Variants in COL23A1 observed in about 807,000 individuals in gnomAD.
COL23A1 encodes collagen type XXIII alpha 1 chain, also known as collagen alpha-1(XXIII) chain.
COL23A1 carries 97 observed loss-of-function variants against 99.3 expected under a neutral mutation model. That is an observed-to-expected ratio of 0.98 (90% CI 0.83 to 1.16). The LOEUF is 1.16. COL23A1 is among the 50% of genes most tolerant of loss of function. COL23A1 has a pLI of 0.00. For synonymous variants in COL23A1, 320 were observed against 308.2 expected (o/e 1.04, Z -0.40); for missense variants, 762 against 757.4 (o/e 1.01, Z -0.07).
intron 2 of COL23A1, among the ~76,000 whole-genome samples, chr5:178,389,181 C>T (rs1361858940): frequency 2.0e-5 from 3 of 152,184 alleles, no homozygotes; most frequent in East Asian, 1.9e-4. Flanking sequence ...GTCACGCTCC[C>T]GTTGCCTCAG....
chr5:178,565,549 CGAT>C (rs138470629), intron 1 of COL23A1, among the ~76,000 whole-genome samples: 7,289 of 152,110 alleles, frequency 0.048, 559 homozygotes, highest in African/African-American at 0.16. Flanking sequence ...TACCCCACCA[CGAT>C]GATGATGATA....
At chr5:178,257,262 G>A (rs990245572) in intron 13 of COL23A1, among the ~76,000 whole-genome samples, 4 of 152,308 alleles carry the variant, frequency 2.6e-5, no homozygotes, top group East Asian at 1.9e-4. Flanking sequence ...CCAGTTCCTG[G>A]CTTGGGGACA....
In COL23A1 at chr5:178,477,453, T is replaced by C. The variant is rs549825486; in HGVS notation, c.361+83229A>G. Among the ~76,000 whole-genome samples the C allele has an allele frequency of 2.0e-5, 3 of 152,272 alleles. No individual in the cohort carries two copies. The South Asian group carries it at 6.2e-4, about 32-fold the overall frequency. On this transcript the variant is annotated intron_variant, in intron 2 of 28. Transcript: ENST00000390654. ...ACCAATGTAACCCAGCAATCCATCT[T>C]GACTGAAAACAAATGGCTTGTTTAA...
intron 2 of COL23A1, among the ~76,000 whole-genome samples, chr5:178,371,099 C>T (rs1762776980): frequency 6.6e-6 from 1 of 152,110 alleles, no homozygotes; most frequent in Non-Finnish European, 1.5e-5. Flanking sequence ...TCTCTCTCTG[C>T]CATGTAGACA....
intron 2 of COL23A1, among the ~76,000 whole-genome samples, chr5:178,533,421 C>G (rs1446428230): frequency 1.3e-5 from 2 of 152,196 alleles, no homozygotes; most frequent in Non-Finnish European, 2.9e-5. Flanking sequence ...AAGTGGAATG[C>G]TACAGTGTGT....
chr5:178,358,183 ATGTG>A (rs781151312), intron 2 of COL23A1, among the ~76,000 whole-genome samples: 64 of 138,314 alleles, frequency 4.6e-4, no homozygotes, highest in East Asian at 2.0e-3. Flanking sequence ...ATGTGTATGT[ATGTG>A]TATGTGTGTG....
chr5:178,265,416 C>A (rs1755825650), intron 8 of COL23A1, among the ~76,000 whole-genome samples: 1 of 152,220 alleles, frequency 6.6e-6, no homozygotes, highest in African/African-American at 2.4e-5. Flanking sequence ...TAGCTCCCTG[C>A]TGCTCCTTTT....
intron 2 of COL23A1, among the ~76,000 whole-genome samples, chr5:178,421,209 T>C (rs747851653): frequency 4.6e-5 from 7 of 152,172 alleles, no homozygotes; most frequent in Non-Finnish European, 7.3e-5. Flanking sequence ...TTTGGAGATA[T>C]AGGTTGACCT....
chr5:178,322,269 A>G (rs1365548851), intron 2 of COL23A1, among the ~76,000 whole-genome samples: 1 of 151,722 alleles, frequency 6.6e-6, no homozygotes, highest in East Asian at 2.0e-4. Flanking sequence ...TGGGATTACA[A>G]GCGTGAGCCA....
In COL23A1 at chr5:178,261,754, A is replaced by T; in HGVS notation, c.676-6T>A. On this transcript the variant is annotated splice_region_variant and splice_polypyrimidine_tract_variant and intron_variant, in intron 10 of 28. Transcript: ENST00000390654. Reference sequence around the variant, plus strand: ...CCTGGGGGTCCCTTTGGGCCCTGGAACAAGAGAAGAGAAGGTGTTAAATGT... The same window carrying T: ...CCTGGGGGTCCCTTTGGGCCCTGGATCAAGAGAAGAGAAGGTGTTAAATGT... The T allele has an allele frequency of 6.2e-7, 1 of 1,605,592 alleles. No homozygotes were observed. Among genetic ancestry groups the T allele is most frequent in the Non-Finnish European group, 8.5e-7 (1 of 1,172,182 alleles).
intron 4 of COL23A1, among the ~76,000 whole-genome samples, chr5:178,288,971 G>A (rs986772456): frequency 1.3e-5 from 2 of 152,074 alleles, no homozygotes; most frequent in African/African-American, 4.8e-5. Flanking sequence ...TAACTGCCAA[G>A]TTAAAAAAGA....
intron 2 of COL23A1, among the ~76,000 whole-genome samples, chr5:178,530,060 G>A (rs1191846264): frequency 1.3e-5 from 2 of 152,122 alleles, no homozygotes; most frequent in African/African-American, 4.8e-5. Context: ...GTTGAATTCT[G>A]GAATAGTGAA....
intron 2 of COL23A1, among the ~76,000 whole-genome samples, chr5:178,547,031 T>TGGGTCCACAGAGCTCCC (rs1256913164): frequency 6.6e-6 from 1 of 152,188 alleles, no homozygotes; most frequent in African/African-American, 2.4e-5. Context: ...TGGGAGCGCC[T>TGGGTCCACAGAGCTCCC]GGGTCCACAG....
intron 2 of COL23A1, among the ~76,000 whole-genome samples, chr5:178,519,354 G>C (rs1759815643): frequency 1.3e-5 from 2 of 152,212 alleles, no homozygotes; most frequent in African/African-American, 2.4e-5. Context: ...CAGCTGCTGT[G>C]GGGTGTGCAG....
At chr5:178,383,911 A>T (rs1763521967) in intron 2 of COL23A1, among the ~76,000 whole-genome samples, 1 of 152,138 alleles carries the variant, frequency 6.6e-6, no homozygotes, top group African/African-American at 2.4e-5. Flanking sequence ...GACGAAAAGA[A>T]TCTCAGAAAA....
At chr5:178,405,066 C>G (rs1434776341) in intron 2 of COL23A1, among the ~76,000 whole-genome samples, 1 of 152,252 alleles carries the variant, frequency 6.6e-6, no homozygotes, top group Non-Finnish European at 1.5e-5. Context: ...GCCAGGTGAC[C>G]CCCTAAGCAT....
intron 2 of COL23A1, among the ~76,000 whole-genome samples, chr5:178,394,591 T>TG (rs569009887): frequency 8.6e-4 from 131 of 152,342 alleles, no homozygotes; most frequent in African/African-American, 3.1e-3. Context: ...TTCACATCTT[T>TG]GGGTAAACTG....
intron 1 of COL23A1, among the ~76,000 whole-genome samples, chr5:178,564,968 ATATT>A (rs1299085492): frequency 2.0e-5 from 3 of 152,268 alleles, no homozygotes; most frequent in East Asian, 3.8e-4. Context: ...GCAAAACATG[ATATT>A]TATGCAGAAG....
intron 3 of COL23A1, among the ~76,000 whole-genome samples, chr5:178,292,347 C>T (rs1254897347): frequency 2.0e-5 from 3 of 152,222 alleles, no homozygotes; most frequent in Non-Finnish European, 4.4e-5. Flanking sequence ...CATCTACGGT[C>T]CCTCTGGATC....
Sources: allele counts gnomAD v4.1 joint callset (sites outside exome capture counted in the v4.1 genomes callset), GRCh38; gene constraint gnomAD v4.1.1; transcripts MANE v1.5; gene names NCBI Gene and HGNC (gene_info 2026-07-23, HGNC 2026-07-21).